The following DNM1L variants were observed in gnomAD, a reference collection of about 807,000 sequenced individuals.
DNM1L encodes the protein dynamin 1L.
A neutral mutation model predicts 92.8 loss-of-function variants in DNM1L; 33 were observed. That is an observed-to-expected ratio of 0.36 (90% CI 0.27 to 0.48). DNM1L has a LOEUF of 0.48. Among genes scored for constraint, DNM1L ranks in the 20% least tolerant of loss-of-function variants. The probability of loss-of-function intolerance (pLI) is 0.99; values close to 1 mark genes in which losing one functional copy is unlikely to be tolerated. For synonymous variants in DNM1L, 284 were observed against 305.0 expected, an observed-to-expected ratio of 0.93 and a Z score of 0.72; for missense variants, 485 against 888.8, an observed-to-expected ratio of 0.55 and a Z score of 5.78.
chr12:32,679,728 CG>C, intron 1 of DNM1L: 2 of 1,168,468 alleles, frequency 1.7e-6, no homozygotes, highest in Non-Finnish European at 2.1e-6. Context: ...CGGCGGGTCC[CG>C]GGGACAGGAG....
intron 9 of DNM1L, chr12:32,722,836 C>T (rs1953868926): frequency 3.6e-6 from 1 of 279,240 alleles, no homozygotes; most frequent in Non-Finnish European, 6.5e-6. Flanking sequence ...AAAATTGTCA[C>T]ATATTTTTAA....
At chr12:32,708,603 T>A (rs1156273914) in intron 4 of DNM1L, among the ~76,000 whole-genome samples, 1 of 152,140 alleles carries the variant, frequency 6.6e-6, no homozygotes, top group Non-Finnish European at 1.5e-5. Flanking sequence ...TTCACTTATA[T>A]ATATATCTTT....
Position 32,731,443 on chromosome 12 carries a change from C to T in DNM1L, c.1288C>T (p.Arg430Cys), listed in dbSNP as rs905283579. 7 of 1,614,136 alleles carry T rather than the reference C, an allele frequency of 4.3e-6. No homozygotes were observed. The highest frequency in any genetic ancestry group is 5.9e-6 in the Non-Finnish European group (7 of 1,180,020). The change falls in exon 11 of 20, where the codon CGC becomes TGC. Residue 430 changes from arginine (R) to cysteine (C), a missense_variant. By Grantham distance (180) the Arg-to-Cys change is radical. This residue lies in a region of DNM1L where 12 missense variants were observed against 21.5 expected (regional missense o/e 0.56). Transcript: ENST00000549701. The surrounding 1 kb of genome is among the most constrained non-coding windows in gnomAD (Gnocchi z 5.1). ...CAAACGTCTAGAAGAGCCCAGCCTC[C>T]GCTGTGTGGAACTGGTTCATGAGGA... Reference protein sequence around the residue: ...QIKRLEEPSLRCVELVHEEMQ... With the variant: ...QIKRLEEPSLCCVELVHEEMQ...
chr12:32,696,921 G>A (rs112200747), intron 1 of DNM1L, among the ~76,000 whole-genome samples: 1,642 of 150,326 alleles, frequency 0.011, 23 homozygotes, highest in East Asian at 0.036. Context: ...CACCACAACC[G>A]GGCTGGTGTA....
At chr12:32,695,170 C>G (rs957230438) in intron 1 of DNM1L, among the ~76,000 whole-genome samples, 3 of 152,074 alleles carry the variant, frequency 2.0e-5, no homozygotes, top group Non-Finnish European at 4.4e-5. Context: ...TTTTTGAATA[C>G]TATATGAAAA....
At chr12:32,702,098 G>T (rs1411306899) in intron 2 of DNM1L, among the ~76,000 whole-genome samples, 1 of 151,710 alleles carries the variant, frequency 6.6e-6, no homozygotes, top group South Asian at 2.1e-4. Flanking sequence ...GCCAGATTTG[G>T]TGGCACTTGC....
intron 9 of DNM1L, among the ~76,000 whole-genome samples, chr12:32,727,743 T>A (rs1954248414): frequency 6.6e-6 from 1 of 152,200 alleles, no homozygotes; most frequent in African/African-American, 2.4e-5. Context: ...GCATAGTATT[T>A]TACTTTTTAG....
intron 8 of DNM1L, 110 bp downstream of exon 8, chr12:32,720,905 T>G: frequency 1.5e-6 from 2 of 1,373,086 alleles, no homozygotes; most frequent in Non-Finnish European, 2.0e-6. Flanking sequence ...ACAGCTTCAC[T>G]TATGGTTTCT....
intron 18 of DNM1L, among the ~76,000 whole-genome samples, chr12:32,742,252 G>A (rs1483234937): frequency 6.6e-6 from 1 of 152,058 alleles, no homozygotes; most frequent in Non-Finnish European, 1.5e-5. Context: ...TCACAGGCAT[G>A]TGCCACCACA....
intron 1 of DNM1L, among the ~76,000 whole-genome samples, chr12:32,684,792 A>G (rs1951938550): frequency 6.6e-6 from 1 of 152,172 alleles, no homozygotes; most frequent in Non-Finnish European, 1.5e-5. Context: ...TCCATTATGT[A>G]GCATGGCAGA....
At chr12:32,717,372 AT>A (rs1953482836) in intron 6 of DNM1L, among the ~76,000 whole-genome samples, 1 of 81,826 alleles carries the variant, frequency 1.2e-5, no homozygotes, top group African/African-American at 5.2e-5. Context: ...TATAATATAT[AT>A]ACTATATATA....
At chr12:32,686,982 A>G (rs1333985613) in intron 1 of DNM1L, among the ~76,000 whole-genome samples, 3 of 121,366 alleles carry the variant, frequency 2.5e-5, no homozygotes, top group East Asian at 4.6e-4. Context: ...TCTGTTGCCC[A>G]GGTGGCCAGG....
intron 1 of DNM1L, chr12:32,679,840 G>A: frequency 1.0e-6 from 1 of 1,002,458 alleles, no homozygotes. Flanking sequence ...GGACGCGCGG[G>A]GCACTCGGGT....
intron 1 of DNM1L, among the ~76,000 whole-genome samples, chr12:32,681,727 A>T (rs1355624331): frequency 6.6e-6 from 1 of 151,516 alleles, no homozygotes; most frequent in Non-Finnish European, 1.5e-5. Flanking sequence ...ATATATGTAT[A>T]CCTCACATTT....
chr12:32,682,918 A>G (rs1011606518), intron 1 of DNM1L, among the ~76,000 whole-genome samples: 16 of 152,164 alleles, frequency 1.1e-4, no homozygotes, highest in African/African-American at 3.1e-4. Flanking sequence ...GGGGAGAGAG[A>G]GAAGGCTGAT....
chr12:32,727,419 G>A (rs1954222345), intron 9 of DNM1L: 5 of 736,964 alleles, frequency 6.8e-6, no homozygotes, highest in South Asian at 1.4e-5. Context: ...GAAGCCAGGC[G>A]GCTGGAGCTG....
chr12:32,706,382 A>G (rs927250242), intron 2 of DNM1L, among the ~76,000 whole-genome samples: 1 of 152,212 alleles, frequency 6.6e-6, no homozygotes, highest in Non-Finnish European at 1.5e-5. Context: ...CAATACACTT[A>G]TTAAGATATT....
intron 18 of DNM1L, among the ~76,000 whole-genome samples, chr12:32,741,563 G>A (rs766194918): frequency 6.6e-6 from 1 of 152,238 alleles, no homozygotes; most frequent in Non-Finnish European, 1.5e-5. Context: ...GGGATTATAG[G>A]CGTGAGCCAC....
rs1256138687 is a variant in DNM1L, at chr12:32,687,196, T to C, written c.102+7731T>C. Among the ~76,000 whole-genome samples, 7 of 152,206 alleles carry C rather than the reference T, an allele frequency of 4.6e-5. No individual in the cohort carries two copies. The East Asian group carries it at 1.2e-3, about 25-fold the overall frequency. On this transcript the variant is annotated intron_variant, in intron 1 of 19. Coordinates refer to ENST00000549701, the MANE Select transcript of DNM1L (RefSeq NM_012062.5). The stretch of plus-strand genomic sequence containing the variant: ...GCTTTATGGTGTCATATCTAAGGCA[T>C]TGACAAATCCAAAGCCGTGAAGATT...
Sources: gnomAD v4.1 joint callset for allele counts (sites outside exome capture counted in the v4.1 genomes callset) on GRCh38, gnomAD v4.1.1 for gene constraint, gnomAD v4.1.1 regional missense constraint, Gnocchi (gnomAD v3.1) non-coding constraint, MANE v1.5 for transcripts, NCBI Gene and HGNC (gene_info 2026-07-23, HGNC 2026-07-21) for gene names.